MACROD2: variants seen among roughly 807,000 people sequenced by gnomAD.
MACROD2 encodes ADP-ribose glycohydrolase MACROD2.
In MACROD2, 36 loss-of-function variants were observed where a neutral mutation model predicts 70.4. That is an observed-to-expected ratio of 0.51 (90% CI 0.39 to 0.68). The LOEUF is 0.68. Ranked by LOEUF, MACROD2 falls within the 30% of genes least tolerant of loss-of-function variation. MACROD2 has a pLI of 0.00. For synonymous variants in MACROD2, 172 were observed against 178.8 expected (o/e 0.96, Z 0.30); for missense variants, 496 against 538.4 (o/e 0.92, Z 0.78).
intron 2 of MACROD2, among the ~76,000 whole-genome samples, chr20:14,023,556 C>G (rs2053117226): frequency 6.6e-6 from 1 of 152,126 alleles, no homozygotes; most frequent in African/African-American, 2.4e-5. Context: ...AGTCTTTAAT[C>G]TATCTTGAGT....
intron 3 of MACROD2, among the ~76,000 whole-genome samples, chr20:14,362,210 C>T (rs1042154630): frequency 5.9e-5 from 9 of 152,220 alleles, no homozygotes; most frequent in African/African-American, 9.6e-5. Flanking sequence ...TACTACATTC[C>T]GATCATTGTT....
chr20:15,629,583 A>G (rs1244824222), intron 8 of MACROD2, among the ~76,000 whole-genome samples: 1 of 152,234 alleles, frequency 6.6e-6, no homozygotes, highest in East Asian at 1.9e-4. Flanking sequence ...TTTCAGCCAA[A>G]TAACATTCAC....
At chr20:15,227,823 G>GTCTTTTTTTT (rs2076920830) in intron 5 of MACROD2, among the ~76,000 whole-genome samples, 1 of 46,092 alleles carries the variant, frequency 2.2e-5, no homozygotes, top group African/African-American at 9.7e-5. Flanking sequence ...AATTTCACCT[G>GTCTTTTTTTT]TTTTTTTTTT....
At chr20:14,252,674 A>C (rs1483838003) in intron 3 of MACROD2, among the ~76,000 whole-genome samples, 2 of 152,022 alleles carry the variant, frequency 1.3e-5, no homozygotes, top group Non-Finnish European at 2.9e-5. Context: ...TGAATGATGA[A>C]TGATTTTAGC....
At chr20:15,341,634 A>G (rs2078111056) in intron 6 of MACROD2, among the ~76,000 whole-genome samples, 1 of 152,246 alleles carries the variant, frequency 6.6e-6, no homozygotes, top group African/African-American at 2.4e-5. Context: ...CTTTACAAAA[A>G]TATTTCTTCA....
intron 10 of MACROD2, among the ~76,000 whole-genome samples, chr20:15,894,585 G>A (rs1325753389): frequency 2.0e-5 from 3 of 152,172 alleles, no homozygotes; most frequent in Admixed American, 1.3e-4. Context: ...AAGGAGAGGT[G>A]CAGAAAGGCA....
chr20:14,959,098 C>G (rs2074561513), intron 5 of MACROD2, among the ~76,000 whole-genome samples: 1 of 152,090 alleles, frequency 6.6e-6, no homozygotes, highest in Non-Finnish European at 1.5e-5. Flanking sequence ...AGGGATTCTT[C>G]TGGTGCCCCT....
rs1311342803 is a variant in MACROD2 at position 15,230,429 on chromosome 20, AT to A, written c.540+369del. 3.3e-5 allele frequency among the ~76,000 whole-genome samples: 5 copies of A among 152,268 alleles called. No individual in the cohort carries two copies. The South Asian group carries it at 8.3e-4, about 25-fold the overall frequency. On this transcript the variant is annotated intron_variant, in intron 6 of 17. Coordinates refer to ENST00000684519, the MANE Select transcript of MACROD2 (RefSeq NM_001351661.2). ...TGTTATGATAGCGCACATTTAATATATATTGGTTGTATGCTTGTGCATTCTG... is the reference window on the plus strand; with the variant it reads ...TGTTATGATAGCGCACATTTAATATAATTGGTTGTATGCTTGTGCATTCTG...
At chr20:15,747,319 T>C (rs886116700) in intron 8 of MACROD2, among the ~76,000 whole-genome samples, 2 of 152,132 alleles carry the variant, frequency 1.3e-5, no homozygotes, top group African/African-American at 2.4e-5. Context: ...CTGCAGTGCA[T>C]TGGCTGTGCA....
At chr20:15,394,568 A>G (rs1179729054) in intron 6 of MACROD2, among the ~76,000 whole-genome samples, 2 of 152,256 alleles carry the variant, frequency 1.3e-5, no homozygotes, top group Non-Finnish European at 2.9e-5. Flanking sequence ...TAAACCAGCC[A>G]TCACTTGAGG....
chr20:15,431,553 A>T (rs1442946591), intron 7 of MACROD2, 118 bp downstream of exon 7: 17 of 919,516 alleles, frequency 1.8e-5, no homozygotes, highest in Non-Finnish European at 2.9e-5. Flanking sequence ...TTTAGAGACT[A>T]AAAATGCTCG....
chr20:14,168,983 G>A (rs562658784), intron 3 of MACROD2, among the ~76,000 whole-genome samples: 15 of 152,246 alleles, frequency 9.9e-5, no homozygotes, highest in African/African-American at 3.1e-4. Flanking sequence ...AACTTCAACA[G>A]CATATCAGAA....
At chr20:15,004,805 G>A (rs1380509140) in intron 5 of MACROD2, among the ~76,000 whole-genome samples, 1 of 152,118 alleles carries the variant, frequency 6.6e-6, no homozygotes, top group Non-Finnish European at 1.5e-5. Context: ...GTCAATTTAG[G>A]CAGTAAAGGT....
At chr20:14,431,690 A>G (rs1468338900) in intron 3 of MACROD2, among the ~76,000 whole-genome samples, 2 of 152,204 alleles carry the variant, frequency 1.3e-5, no homozygotes, top group Non-Finnish European at 2.9e-5. Flanking sequence ...GAATAACTAT[A>G]AAGTTAGAAA....
chr20:15,944,095 A>G (rs2065787607), intron 12 of MACROD2, among the ~76,000 whole-genome samples: 1 of 152,120 alleles, frequency 6.6e-6, no homozygotes. Context: ...TTAGTTATTT[A>G]TAGTTTTCTT....
At chr20:14,135,195 A>G (rs1039654403) in intron 3 of MACROD2, among the ~76,000 whole-genome samples, 3 of 152,186 alleles carry the variant, frequency 2.0e-5, no homozygotes, top group African/African-American at 7.2e-5. Context: ...CCTGACACCA[A>G]AAGTATTTTA....
chr20:16,003,284 A>G (rs967534739), intron 15 of MACROD2, among the ~76,000 whole-genome samples: 2 of 152,128 alleles, frequency 1.3e-5, no homozygotes, highest in Admixed American at 6.5e-5. Flanking sequence ...TATATTTCTT[A>G]TACAATAATT....
At chr20:15,338,004 T>C (rs975026533) in intron 6 of MACROD2, among the ~76,000 whole-genome samples, 1 of 151,738 alleles carries the variant, frequency 6.6e-6, no homozygotes, top group Non-Finnish European at 1.5e-5. Context: ...AAGTTTTGGT[T>C]ACTTGACTAT....
chr20:14,114,373 G>A (rs1569164473), intron 3 of MACROD2, among the ~76,000 whole-genome samples: 2 of 152,108 alleles, frequency 1.3e-5, no homozygotes, highest in Non-Finnish European at 2.9e-5. Context: ...TGCATAGAAA[G>A]TTAAATTGAA....
Sources: gnomAD v4.1 joint callset for allele counts (sites outside exome capture counted in the v4.1 genomes callset) on GRCh38, gnomAD v4.1.1 for gene constraint, MANE v1.5 for transcripts, NCBI Gene and HGNC (gene_info 2026-07-23, HGNC 2026-07-21) for gene names.